The following CNTN5 variants were observed in gnomAD, a reference collection of about 807,000 sequenced individuals.
CNTN5 encodes the protein contactin 5.
CNTN5 carries 77 observed loss-of-function variants against 129.1 expected under a neutral mutation model. The ratio of observed to expected loss-of-function variants is 0.60; its 90% CI spans 0.50 to 0.72. CNTN5 has a LOEUF of 0.72. Among genes scored for constraint, CNTN5 ranks in the 30% least tolerant of loss-of-function variants. CNTN5 has a pLI of 0.00. For synonymous variants in CNTN5, 509 were observed against 465.6 expected (o/e 1.09, Z -1.20); for missense variants, 1,478 against 1,328.8 (o/e 1.11, Z -1.75).
chr11:100,217,851 C>T (rs1230934796), intron 15 of CNTN5, among the ~76,000 whole-genome samples: 1 of 152,272 alleles, frequency 6.6e-6, no homozygotes, highest in East Asian at 1.9e-4. Context: ...AGAGGAATTT[C>T]TCATAACTTT....
At chr11:99,275,326 G>GA (rs1212005064) in intron 1 of CNTN5, among the ~76,000 whole-genome samples, 1 of 151,274 alleles carries the variant, frequency 6.6e-6, no homozygotes, top group Non-Finnish European at 1.5e-5. Flanking sequence ...TTAAAACACA[G>GA]AAAAATGTAA....
chr11:99,192,784 T>A (rs1858709987), intron 1 of CNTN5, among the ~76,000 whole-genome samples: 1 of 152,088 alleles, frequency 6.6e-6, no homozygotes, highest in Admixed American at 6.6e-5. Flanking sequence ...AAAACAGAAA[T>A]GACAGATTTT....
At chr11:99,585,316 T>A (rs897617408) in intron 3 of CNTN5, among the ~76,000 whole-genome samples, 2 of 152,196 alleles carry the variant, frequency 1.3e-5, no homozygotes, top group Non-Finnish European at 2.9e-5. Context: ...TGACTACATA[T>A]GTGTGAGAGC....
At chr11:99,892,196 T>A (rs1189983556) in intron 6 of CNTN5, among the ~76,000 whole-genome samples, 2 of 152,176 alleles carry the variant, frequency 1.3e-5, no homozygotes, top group Non-Finnish European at 2.9e-5. Flanking sequence ...CTCGTAAATT[T>A]GTTAAGTTCT....
At chr11:100,247,929 T>G (rs17094696) in intron 16 of CNTN5, among the ~76,000 whole-genome samples, 8,521 of 151,670 alleles carry the variant, frequency 0.056, 808 homozygotes, top group African/African-American at 0.2. Context: ...ATGGCCTGAG[T>G]TTTTCAATTT....
chr11:99,969,900 C>T (rs1031895150), intron 8 of CNTN5, among the ~76,000 whole-genome samples: 23 of 152,118 alleles, frequency 1.5e-4, no homozygotes, highest in African/African-American at 4.3e-4. Flanking sequence ...ACTCCTCACC[C>T]CCATGATATT....
At chr11:99,960,285 T>C (rs1392591802) in intron 8 of CNTN5, among the ~76,000 whole-genome samples, 7 of 152,170 alleles carry the variant, frequency 4.6e-5, no homozygotes, top group African/African-American at 1.7e-4. Flanking sequence ...GTCTAATTCA[T>C]AGCTTTTTAT....
chr11:99,550,513 C>T (rs1948446909), intron 2 of CNTN5, among the ~76,000 whole-genome samples: 1 of 152,020 alleles, frequency 6.6e-6, no homozygotes, highest in African/African-American at 2.4e-5. Flanking sequence ...AGCAAAATGT[C>T]ACAAGCTTCA....
chr11:100,184,342 T>C (rs1422717320), intron 13 of CNTN5, among the ~76,000 whole-genome samples: 1 of 152,162 alleles, frequency 6.6e-6, no homozygotes, highest in Non-Finnish European at 1.5e-5. Flanking sequence ...TGTCAGTAAT[T>C]TGAACACAGC....
At chr11:99,040,271 T>TTG (rs953116838) in intron 1 of CNTN5, among the ~76,000 whole-genome samples, 4 of 151,968 alleles carry the variant, frequency 2.6e-5, no homozygotes, top group Non-Finnish European at 5.9e-5. Context: ...GTCACTGTAT[T>TTG]TGTGTGTGTG....
intron 13 of CNTN5, among the ~76,000 whole-genome samples, chr11:100,141,564 T>C (rs1285908065): frequency 2.6e-5 from 4 of 152,182 alleles, no homozygotes; most frequent in Non-Finnish European, 4.4e-5. Context: ...TGTTATAATT[T>C]TGTAGCAGTC....
At chr11:99,446,108 A>G (rs1944059856) in intron 2 of CNTN5, among the ~76,000 whole-genome samples, 1 of 150,764 alleles carries the variant, frequency 6.6e-6, no homozygotes, top group South Asian at 2.1e-4. Flanking sequence ...AAAACAACCA[A>G]ACTTCCTTGG....
chr11:100,096,969 AC>A (rs1219564793), intron 13 of CNTN5, among the ~76,000 whole-genome samples: 22 of 152,110 alleles, frequency 1.4e-4, no homozygotes, highest in Admixed American at 2.6e-4. Context: ...TGGCAGAGAA[AC>A]CCAGTGTTCC....
chr11:99,367,535 G>A (rs1939529283), intron 2 of CNTN5, among the ~76,000 whole-genome samples: 1 of 152,042 alleles, frequency 6.6e-6, no homozygotes. Flanking sequence ...TTAGCATACA[G>A]GTCAGATATG....
chr11:99,321,379 A>G (rs1865564926), intron 1 of CNTN5, among the ~76,000 whole-genome samples: 1 of 150,338 alleles, frequency 6.7e-6, no homozygotes, highest in Admixed American at 6.7e-5. Context: ...ATATTCAGAT[A>G]GAGAGGACTT....
chr11:100,019,174 T>G (rs2123692), intron 9 of CNTN5, among the ~76,000 whole-genome samples: 43,190 of 151,564 alleles, frequency 0.28, 6,354 homozygotes, highest in East Asian at 0.48. Context: ...TTCAATTTTT[T>G]GTGGGGATTG....
chr11:99,572,757 AG>A (rs200009917), intron 3 of CNTN5, among the ~76,000 whole-genome samples: 4 of 31,496 alleles, frequency 1.3e-4, no homozygotes, highest in African/African-American at 2.6e-4. Context: ...TTAATAATTG[AG>A]GGTTTTTTTT....
chr11:99,886,133 CAT>C (rs1464598455), intron 6 of CNTN5, among the ~76,000 whole-genome samples: 2 of 152,030 alleles, frequency 1.3e-5, no homozygotes, highest in Middle Eastern at 3.6e-3. Context: ...TTAGATAAAA[CAT>C]ATAGAAATAT....
chr11:100,210,167 C>T (rs1448339649), intron 15 of CNTN5, among the ~76,000 whole-genome samples: 1 of 126,422 alleles, frequency 7.9e-6, no homozygotes, highest in Non-Finnish European at 1.7e-5. Flanking sequence ...GAAAACCTGC[C>T]TCTATACAAA....
Sources: allele counts gnomAD v4.1 joint callset (sites outside exome capture counted in the v4.1 genomes callset), GRCh38; gene constraint gnomAD v4.1.1; transcripts MANE v1.5; gene names NCBI Gene and HGNC (gene_info 2026-07-23, HGNC 2026-07-21).